Variants in PPP2R5C observed in about 807,000 individuals in gnomAD.
The protein encoded by PPP2R5C is serine/threonine-protein phosphatase 2A 56 kDa regulatory subunit gamma isoform.
Under a neutral mutation model 68.9 loss-of-function variants are expected in PPP2R5C, and 7 were observed. The observed-to-expected ratio is 0.10, with a 90% CI of 0.06 to 0.19. PPP2R5C has a LOEUF of 0.19. Among genes scored for constraint, PPP2R5C ranks in the 10% least tolerant of loss-of-function variants. The pLI, the probability that PPP2R5C is intolerant of heterozygous loss-of-function variation, is 1.00. For missense variants in PPP2R5C, 348 were observed against 641.3 expected (o/e 0.54, Z 4.94); for synonymous variants, 210 against 222.2 (o/e 0.95, Z 0.49).
intron 1 of PPP2R5C, among the ~76,000 whole-genome samples, chr14:101,842,200 A>C (rs144996241): frequency 6.6e-6 from 1 of 152,340 alleles, no homozygotes; most frequent in African/African-American, 2.4e-5. Context: ...CCAGTGGAAA[A>C]ATGAACCTTT....
In PPP2R5C at chr14:101,882,079, A is replaced by G; in HGVS notation, c.295-82A>G. 8.5e-7 allele frequency: 1 copy of G among 1,181,516 alleles called. No individual in the cohort carries two copies. The highest frequency in any genetic ancestry group is 1.2e-6 in the Non-Finnish European group (1 of 860,642). 73.2% of individuals were successfully genotyped at this position (1,181,516 alleles called of 1,614,324 possible). ...GTTACCATGGGAAGCGGCTACTGTT[A>G]GAATTACCTAAGACTTTATAAAATG... is the stretch of plus-strand genomic sequence containing the variant. On this transcript the variant is annotated intron_variant, in intron 2 of 13. Transcript: ENST00000334743. The surrounding 1 kb of genome is among the most constrained non-coding windows in gnomAD (Gnocchi z 4.9).
Position 101,883,184 on chromosome 14 carries a change from A to C in PPP2R5C, c.406-73A>C, listed in dbSNP as rs1041707022. On this transcript the variant is annotated intron_variant, in intron 3 of 13. Coordinates refer to ENST00000334743, the Ensembl canonical transcript of PPP2R5C. ...AATATTTGCATACCAATAAAGATTCAATTTCTGGTATATTTTAACCGCCAT... is the reference window on the plus strand; with the variant it reads ...AATATTTGCATACCAATAAAGATTCCATTTCTGGTATATTTTAACCGCCAT... The C allele has an allele frequency of 1.9e-5, 20 of 1,069,254 alleles. No homozygotes were observed. In the African/African-American group the frequency reaches 3.2e-4, roughly 17 times the overall value. 66.2% of individuals were successfully genotyped at this position (1,069,254 alleles called of 1,614,324 possible). A position where few individuals can be genotyped will look rare whatever the true frequency, so the allele number is the denominator to read the frequency against.
At chr14:101,848,531 C>T (rs1244002755) in intron 1 of PPP2R5C, among the ~76,000 whole-genome samples, 1 of 151,088 alleles carries the variant, frequency 6.6e-6, no homozygotes, top group Admixed American at 6.6e-5. Context: ...GAGCGAGACT[C>T]TGTCTCAAAA....
chr14:101,875,332 C>T (rs1274585971), intron 2 of PPP2R5C, among the ~76,000 whole-genome samples: 5 of 152,246 alleles, frequency 3.3e-5, no homozygotes, highest in East Asian at 1.9e-4. Flanking sequence ...AAGGACTTCC[C>T]GGCCACCCAG....
intron 1 of PPP2R5C, chr14:101,823,805 C>G: frequency 8.8e-7 from 1 of 1,136,956 alleles, no homozygotes; most frequent in Non-Finnish European, 1.1e-6. Context: ...GTTTCTTTAT[C>G]ACAGGGATCT....
At chr14:101,830,627 A>G (rs2040679898) in intron 1 of PPP2R5C, among the ~76,000 whole-genome samples, 1 of 152,204 alleles carries the variant, frequency 6.6e-6, no homozygotes, top group African/African-American at 2.4e-5. Flanking sequence ...GGATCATTTT[A>G]AGTACCACTC....
At chr14:101,795,881 G>A (rs1024856267) in intron 3 of PPP2R5C, among the ~76,000 whole-genome samples, 1 of 152,064 alleles carries the variant, frequency 6.6e-6, no homozygotes, top group African/African-American at 2.4e-5. Context: ...GGAGTGCAGT[G>A]GCACAATGTC....
intron 1 of PPP2R5C, among the ~76,000 whole-genome samples, chr14:101,816,889 ATATT>A (rs1204286382): frequency 2.3e-5 from 3 of 129,972 alleles, no homozygotes; most frequent in Non-Finnish European, 4.7e-5. Context: ...TATTATATAT[ATATT>A]ATATAAATAT....
At chr14:101,851,597 T>C (rs1012441882) in intron 1 of PPP2R5C, among the ~76,000 whole-genome samples, 1 of 152,160 alleles carries the variant, frequency 6.6e-6, no homozygotes, top group East Asian at 1.9e-4. Context: ...CTGGGGTATC[T>C]TTTGAGTTGT....
chr14:101,824,020 T>G (rs1301355834), intron 1 of PPP2R5C: 12 of 1,289,070 alleles, frequency 9.3e-6, no homozygotes, highest in African/African-American at 3.0e-5. Flanking sequence ...CTAGGCACAG[T>G]GCCCACTTGT....
intron 13 of PPP2R5C, chr14:101,921,226 G>A: frequency 8.7e-6 from 2 of 229,032 alleles, no homozygotes; most frequent in South Asian, 3.7e-5. Context: ...ACCACACTCA[G>A]CTGATTTTTG....
chr14:101,810,553 C>T (rs2039301420), intron 1 of PPP2R5C, among the ~76,000 whole-genome samples: 3 of 152,118 alleles, frequency 2.0e-5, no homozygotes, highest in Non-Finnish European at 2.9e-5. Context: ...TCATTCTTGC[C>T]GTGGAGCCTG....
intron 3 of PPP2R5C, among the ~76,000 whole-genome samples, chr14:101,790,241 A>T (rs1315127659): frequency 6.6e-6 from 1 of 152,190 alleles, no homozygotes; most frequent in Admixed American, 6.5e-5. Context: ...TTTTCAAGTC[A>T]TAGGTTTTTC....
intron 1 of PPP2R5C, chr14:101,836,527 T>C (rs914188792): frequency 1.7e-6 from 1 of 575,916 alleles, no homozygotes; most frequent in Non-Finnish European, 3.1e-6. Flanking sequence ...TTCAAAATAT[T>C]GTTTAGACAA....
intron 1 of PPP2R5C, among the ~76,000 whole-genome samples, chr14:101,828,012 C>T (rs2040501982): frequency 6.6e-6 from 1 of 152,116 alleles, no homozygotes; most frequent in South Asian, 2.1e-4. Context: ...TGTCAGTCCT[C>T]AGGATTCTTT....
At chr14:101,773,161 G>T (rs906497968) in intron 2 of PPP2R5C, among the ~76,000 whole-genome samples, 1 of 152,178 alleles carries the variant, frequency 6.6e-6, no homozygotes, top group Admixed American at 6.5e-5. Flanking sequence ...CTGCACTCGT[G>T]GAGTTTGCCT....
intron 2 of PPP2R5C, among the ~76,000 whole-genome samples, chr14:101,775,482 G>A (rs1053686241): frequency 6.6e-6 from 1 of 152,232 alleles, no homozygotes; most frequent in African/African-American, 2.4e-5. Context: ...ACGGAAGGTT[G>A]TGGGGTGTGA....
At chr14:101,860,671 TCCATATCCTCAA>T (rs1260107117) in intron 2 of PPP2R5C, among the ~76,000 whole-genome samples, 1 of 152,236 alleles carries the variant, frequency 6.6e-6, no homozygotes, top group Admixed American at 6.5e-5. Flanking sequence ...TTCCAGTTTC[TCCATATCCTCAA>T]CACTTGTTAT....
rs1361672472 is a variant in PPP2R5C at position 101,899,337 on chromosome 14, A to C, written c.853-2382A>C. 6.6e-6 allele frequency among the ~76,000 whole-genome samples: 1 copy of C among 152,200 alleles called. No individual in the cohort carries two copies. Among genetic ancestry groups the C allele is most frequent in the East Asian group, 1.9e-4 (1 of 5,184 alleles). On this transcript the variant is annotated intron_variant, in intron 8 of 13. Coordinates refer to ENST00000334743, the Ensembl canonical transcript of PPP2R5C. This position sits in a 1 kb window ranked among gnomAD's most constrained non-coding sequence, Gnocchi z 4.2. ...CTCCCCAAGACTCAAGGCTGGGGCC[A>C]CTGGCTCGCCTGCCCTCTGCAGGGA...
Sources: allele counts gnomAD v4.1 joint callset (sites outside exome capture counted in the v4.1 genomes callset), GRCh38; gene constraint gnomAD v4.1.1; non-coding constraint Gnocchi (gnomAD v3.1); transcripts MANE v1.5; gene names NCBI Gene and HGNC (gene_info 2026-07-23, HGNC 2026-07-21).